MAGT1: variants seen among roughly 807,000 people sequenced by gnomAD.
MAGT1 encodes magnesium transporter 1.
MAGT1 carries 4 observed loss-of-function variants against 28.4 expected under a neutral mutation model. The observed-to-expected ratio is 0.14, with a 90% CI of 0.07 to 0.32. The LOEUF is 0.32. Among genes scored for constraint, MAGT1 ranks in the 10% least tolerant of loss-of-function variants. MAGT1 has a pLI of 1.00. For synonymous variants in MAGT1, 89 were observed against 89.7 expected (o/e 0.99, Z 0.04); for missense variants, 193 against 264.5 (o/e 0.73, Z 1.88).
At chrX:77,839,048 A>G (rs1037687833) in intron 8 of MAGT1, among the ~76,000 whole-genome samples, 18 of 110,178 alleles carry the variant, frequency 1.6e-4, no homozygotes, top group Non-Finnish European at 2.5e-4. Flanking sequence ...TCATGTCTGT[A>G]ACCCCAGCAC....
intron 1 of MAGT1, among the ~76,000 whole-genome samples, chrX:77,890,066 TAAC>T (rs2077078219): frequency 8.9e-6 from 1 of 112,276 alleles, no homozygotes; most frequent in Admixed American, 9.5e-5. Context: ...TCACTTAACA[TAAC>T]GACTTCCAGT....
chrX:77,831,066 G>A lies in MAGT1; in HGVS notation c.902-171C>T, dbSNP rs187782730. On this transcript the variant is annotated intron_variant, in intron 8 of 9. Coordinates refer to ENST00000618282, the MANE Select transcript of MAGT1 (RefSeq NM_001367916.1). ...GGAGTCTCGCTCTTTCGCCCAGGCC[G>A]GAGTGCAGCGGCGCGATCTCGGCTC... 0.024 allele frequency among the ~76,000 whole-genome samples: 2,624 copies of A among 109,313 alleles called. 77 individuals carry two copies. The highest frequency in any genetic ancestry group is 0.083 in the African/African-American group (2,481 of 29,892). The allele number at this position is 109,313 out of a possible 115,157, so 94.9% of individuals were successfully genotyped here.
chrX:77,864,414 G>A (rs782359353), intron 3 of MAGT1, among the ~76,000 whole-genome samples: 1 of 111,161 alleles, frequency 9.0e-6, no homozygotes, highest in Non-Finnish European at 1.9e-5. Flanking sequence ...TTTCAAAACA[G>A]CTAGAAGAGA....
At chrX:77,882,191 A>G in intron 1 of MAGT1, among the ~76,000 whole-genome samples, 1 of 112,190 alleles carries the variant, frequency 8.9e-6, no homozygotes, top group Non-Finnish European at 1.9e-5. Context: ...AGCCAATATC[A>G]TATTGAATGT....
chrX:77,855,648 A>G (rs1290356145), intron 5 of MAGT1, 58 bp from the exon 6 acceptor site: 7 of 876,592 alleles, frequency 8.0e-6, no homozygotes, highest in South Asian at 2.2e-5. Context: ...TCTTGATTAG[A>G]TAACAGGAAT....
intron 3 of MAGT1, 46 bp downstream of exon 3, chrX:77,870,762 T>A: frequency 1.1e-6 from 1 of 879,202 alleles, no homozygotes; most frequent in Non-Finnish European, 1.7e-6. Context: ...CCACTTTCAC[T>A]ATATTTTACC....
rs34014897 is a variant in MAGT1, at chrX:77,841,851, ATTTTT to A, written c.827-536_827-532del. 7.1e-4 allele frequency among the ~76,000 whole-genome samples: 57 copies of A among 80,025 alleles called. No individual in the cohort carries two copies. In the South Asian group the frequency reaches 0.013, roughly 18 times the overall value. The allele number at this position is 80,025 out of a possible 115,157, so 69.5% of individuals were successfully genotyped here. On this transcript the variant is annotated intron_variant, in intron 7 of 9. Transcript: ENST00000618282. Reference sequence around the variant, plus strand: ...CCACCACGCCCAGTTAAATTCTGTAATTTTTTTTTTTTTTTTTTTGTAGAGATGGG... The same window carrying A: ...CCACCACGCCCAGTTAAATTCTGTAATTTTTTTTTTTTTTGTAGAGATGGG...
Position 77,826,822 on chromosome X carries a change from C to G in MAGT1, c.*2398G>C, listed in dbSNP as rs1436321887. ...GCATAGATTTGGCCTGAGACAAGTA[C>G]AAGAATAGCAGGTAAGGAATTCAGA... On this transcript the variant is annotated 3_prime_UTR_variant, in exon 10 of 10. Transcript: ENST00000618282. 9.0e-6 allele frequency: 1 copy of G among 111,730 alleles called. No homozygotes were observed. The highest frequency in any genetic ancestry group is 3.2e-5 in the African/African-American group (1 of 30,851). 9.2% of individuals were successfully genotyped at this position (111,730 alleles called of 1,213,427 possible). A position where few individuals can be genotyped will look rare whatever the true frequency, so the allele number is the denominator to read the frequency against.
chrX:77,831,076 G>A (rs961774355), intron 8 of MAGT1, among the ~76,000 whole-genome samples, 181 bp from the exon 9 acceptor site: 14 of 109,797 alleles, frequency 1.3e-4, no homozygotes, highest in Admixed American at 2.9e-4. Context: ...GGAGTGCAGC[G>A]GCGCGATCTC....
chrX:77,870,983 G>A (rs2077019119), intron 2 of MAGT1, 58 bp from the exon 3 acceptor site: 21 of 844,460 alleles, frequency 2.5e-5, no homozygotes, highest in South Asian at 4.0e-5. Flanking sequence ...AAGCAATCTC[G>A]TTTATCATCA....
intron 7 of MAGT1, among the ~76,000 whole-genome samples, chrX:77,849,166 T>C (rs1317916669): frequency 9.2e-6 from 1 of 108,371 alleles, no homozygotes. Flanking sequence ...AACCTCTACC[T>C]CCTGGGCTCA....
chrX:77,830,644 T>A (rs782808678), intron 9 of MAGT1, among the ~76,000 whole-genome samples, 161 bp downstream of exon 9: 102 of 109,511 alleles, frequency 9.3e-4, no homozygotes, highest in Non-Finnish European at 9.9e-4. Context: ...AAATAAATAA[T>A]AAATAAATAG....
At chrX:77,843,725 T>C (rs2076942141) in intron 7 of MAGT1, among the ~76,000 whole-genome samples, 1 of 111,857 alleles carries the variant, frequency 8.9e-6, no homozygotes, top group Non-Finnish European at 1.9e-5. Flanking sequence ...AGGGTACATG[T>C]GCACATCATG....
intron 1 of MAGT1, among the ~76,000 whole-genome samples, chrX:77,895,056 CAT>C (rs1557219766): frequency 9.0e-6 from 1 of 111,305 alleles, no homozygotes; most frequent in African/African-American, 3.3e-5. Context: ...TGTCAAAACT[CAT>C]AGCTATGCAC....
At chrX:77,883,050 T>C (rs2077057203) in intron 1 of MAGT1, among the ~76,000 whole-genome samples, 1 of 101,142 alleles carries the variant, frequency 9.9e-6, no homozygotes, top group Non-Finnish European at 2.0e-5. Context: ...ATAATTTATA[T>C]TATATTAATA....
chrX:77,878,203 C>A (rs1421936556), intron 1 of MAGT1, among the ~76,000 whole-genome samples: 1 of 96,910 alleles, frequency 1.0e-5, no homozygotes, highest in African/African-American at 3.8e-5. Context: ...GCATGACAAT[C>A]GCTTGAACCC....
intron 3 of MAGT1, among the ~76,000 whole-genome samples, chrX:77,864,397 T>C (rs2077003207): frequency 9.0e-6 from 1 of 110,938 alleles, no homozygotes; most frequent in South Asian, 3.7e-4. Flanking sequence ...CAAAAATGTA[T>C]TACATATTTC....
At chrX:77,870,746 T>A (rs902987438) in intron 3 of MAGT1, 62 bp downstream of exon 3, 2 of 809,119 alleles carry the variant, frequency 2.5e-6, no homozygotes, top group East Asian at 3.2e-5. Context: ...CTGAAAAAAA[T>A]ATATTCCACT....
intron 2 of MAGT1, among the ~76,000 whole-genome samples, chrX:77,873,674 G>A (rs1289593297): frequency 9.0e-6 from 1 of 111,265 alleles, no homozygotes; most frequent in African/African-American, 3.3e-5. Flanking sequence ...AAACAACTGG[G>A]AAATTAGAAA....
Sources: gnomAD v4.1 joint callset for allele counts (sites outside exome capture counted in the v4.1 genomes callset) on GRCh38, gnomAD v4.1.1 for gene constraint, MANE v1.5 for transcripts, NCBI Gene and HGNC (gene_info 2026-07-23, HGNC 2026-07-21) for gene names.